GPT2: variants seen among roughly 807,000 people sequenced by gnomAD.
The protein encoded by GPT2 is alanine aminotransferase 2.
A neutral mutation model predicts 56.9 loss-of-function variants in GPT2; 30 were observed. The observed-to-expected ratio is 0.53, with a 90% CI of 0.39 to 0.72. GPT2 has a LOEUF of 0.72. GPT2 is among the 30% of genes least tolerant of loss of function. GPT2 has a pLI of 0.00. For synonymous variants in GPT2, 271 were observed against 283.1 expected, an observed-to-expected ratio of 0.96 and a Z score of 0.43; for missense variants, 542 against 703.4, an observed-to-expected ratio of 0.77 and a Z score of 2.60.
chr16:46,899,832 C>T (rs904182519), intron 3 of GPT2, among the ~76,000 whole-genome samples: 2 of 152,206 alleles, frequency 1.3e-5, no homozygotes, highest in Admixed American at 1.3e-4. Flanking sequence ...TTGCTGGAGA[C>T]GTGTTCCCAG....
At chr16:46,927,145 C>A in intron 11 of GPT2, 108 bp downstream of exon 11, 1 of 632,514 alleles carries the variant, frequency 1.6e-6, no homozygotes, top group South Asian at 2.4e-5. Context: ...TGCGGAGACC[C>A]TGTCCTCTCT....
intron 2 of GPT2, among the ~76,000 whole-genome samples, chr16:46,887,722 T>C (rs186639396): frequency 6.6e-6 from 1 of 152,286 alleles, no homozygotes; most frequent in Non-Finnish European, 1.5e-5. Context: ...TGGAATTCTT[T>C]CACCAGGTGT....
At chr16:46,891,999 A>C (rs1021701848) in intron 2 of GPT2, among the ~76,000 whole-genome samples, 1 of 151,844 alleles carries the variant, frequency 6.6e-6, no homozygotes, top group Admixed American at 6.6e-5. Context: ...TAGCTCCCAC[A>C]AATAAGTTAC....
Position 46,924,479 on chromosome 16 carries a change from T to C in GPT2, c.1303T>C (p.Leu435=). Residue 435 remains leucine (L), a synonymous_variant, in exon 10 of 12, where the codon TTG becomes CTG. Transcript: ENST00000340124. ...NQVPGIHCNP[L]QGAMYAFPRI... Reference sequence around the variant, plus strand: ...AGTCCCAGGAATTCACTGCAACCCCTTGCAGGGGGCCATGTACGCCTTCCC... The same window carrying C: ...AGTCCCAGGAATTCACTGCAACCCCCTGCAGGGGGCCATGTACGCCTTCCC... The C allele has an allele frequency of 6.2e-7, 1 of 1,614,214 alleles. No homozygotes were observed. The highest frequency in any genetic ancestry group is 1.3e-5 in the African/African-American group (1 of 75,058).
intron 3 of GPT2, among the ~76,000 whole-genome samples, chr16:46,899,613 T>C (rs956137834): frequency 2.0e-5 from 3 of 151,954 alleles, no homozygotes; most frequent in Non-Finnish European, 4.4e-5. Context: ...AGAGTCCCCA[T>C]GCTGGGCCCA....
rs1301058414 is a variant in GPT2 at position 46,897,753 on chromosome 16, G to A, written c.333+16G>A. 1 of 1,612,884 alleles carries A rather than the reference G, an allele frequency of 6.2e-7. No homozygotes were observed. Among genetic ancestry groups the A allele is most frequent in the Non-Finnish European group, 8.5e-7 (1 of 1,179,034 alleles). On this transcript the variant is annotated intron_variant, in intron 3 of 11. Coordinates refer to ENST00000340124, the MANE Select transcript of GPT2 (RefSeq NM_133443.4). ...CCTCCGGCAGGTGAGCCGCCCCCAG[G>A]AGCAGAGGCTGCAGGAGGGCAGGGC...
At chr16:46,889,643 C>A (rs368517693) in intron 2 of GPT2, among the ~76,000 whole-genome samples, 1 of 152,214 alleles carries the variant, frequency 6.6e-6, no homozygotes, top group Non-Finnish European at 1.5e-5. Context: ...ACCACACATA[C>A]GCTGGGCTCT....
chr16:46,891,434 G>C (rs1356679567), intron 2 of GPT2, among the ~76,000 whole-genome samples: 1 of 151,158 alleles, frequency 6.6e-6, no homozygotes, highest in African/African-American at 2.4e-5. Flanking sequence ...ATGGAGTTTC[G>C]CTCTTGTTGC....
At chr16:46,916,033 TAC>T (rs1359867100) in intron 6 of GPT2, 3 of 153,318 alleles carry the variant, frequency 2.0e-5, no homozygotes, top group East Asian at 1.9e-4. Context: ...ACACCACACC[TAC>T]ACACAAAGCC....
At chr16:46,906,721 G>A in intron 4 of GPT2, 121 bp from the exon 5 acceptor site, 1 of 1,327,916 alleles carries the variant, frequency 7.5e-7, no homozygotes, top group Non-Finnish European at 1.0e-6. Flanking sequence ...ATGGGAGTTG[G>A]GCCCCACCCC....
chr16:46,898,057 G>T (rs1350854868), intron 3 of GPT2, among the ~76,000 whole-genome samples: 1 of 152,230 alleles, frequency 6.6e-6, no homozygotes, highest in Non-Finnish European at 1.5e-5. Flanking sequence ...TGGCTGGGCT[G>T]GGAGGAGGCG....
At chr16:46,909,620 G>T (rs1961002238) in intron 5 of GPT2, 64 bp from the exon 6 acceptor site, 1 of 1,573,580 alleles carries the variant, frequency 6.4e-7, no homozygotes, top group African/African-American at 1.3e-5. Flanking sequence ...GGGGCCACGG[G>T]TGAAAGGCTA....
intron 2 of GPT2, among the ~76,000 whole-genome samples, chr16:46,895,279 C>CT (rs1290501254): frequency 1.3e-5 from 2 of 152,080 alleles, no homozygotes; most frequent in African/African-American, 2.4e-5. Flanking sequence ...AATCACAGCA[C>CT]TTTGGGAGGC....
In GPT2 at chr16:46,900,738, T is replaced by C; in HGVS notation, c.390T>C (p.Asp130=). 6.2e-7 allele frequency: 1 copy of C among 1,614,072 alleles called. No individual in the cohort carries two copies. The highest frequency in any genetic ancestry group is 1.7e-4 in the Middle Eastern group (1 of 6,058). ...TGGACAGCCCCAGCTTCCCAGAAGATGCTAAGAAACGTGCCCGGCGGATCC... is the reference window on the plus strand; with the variant it reads ...TGGACAGCCCCAGCTTCCCAGAAGACGCTAAGAAACGTGCCCGGCGGATCC... ...NLLDSPSFPE[D]AKKRARRILQ... The change falls in exon 4 of 12, where the codon GAT becomes GAC. Residue 130 remains aspartate, a synonymous_variant. Coordinates refer to ENST00000340124, the MANE Select transcript of GPT2 (RefSeq NM_133443.4).
intron 2 of GPT2, among the ~76,000 whole-genome samples, chr16:46,888,075 T>C (rs993154561): frequency 6.6e-6 from 1 of 152,194 alleles, no homozygotes; most frequent in African/African-American, 2.4e-5. Context: ...TTTCCCTTGC[T>C]TTATTGGGGG....
intron 7 of GPT2, among the ~76,000 whole-genome samples, chr16:46,917,450 A>G (rs930075819): frequency 3.3e-5 from 5 of 152,184 alleles, no homozygotes; most frequent in Non-Finnish European, 7.3e-5. Flanking sequence ...TAATTCGCTT[A>G]CATCTCAGGA....
At chr16:46,899,028 T>C (rs1350377598) in intron 3 of GPT2, among the ~76,000 whole-genome samples, 1 of 84,726 alleles carries the variant, frequency 1.2e-5, no homozygotes. Flanking sequence ...TATATATATA[T>C]ATATATATTT....
intron 3 of GPT2, among the ~76,000 whole-genome samples, chr16:46,898,924 A>G (rs530090369): frequency 4.2e-5 from 6 of 143,502 alleles, no homozygotes; most frequent in Non-Finnish European, 6.0e-5. Context: ...ACACACATAT[A>G]TATGTGTATA....
intron 5 of GPT2, among the ~76,000 whole-genome samples, chr16:46,908,665 A>G (rs990089547): frequency 2.6e-5 from 4 of 152,142 alleles, no homozygotes; most frequent in Admixed American, 2.6e-4. Context: ...AGTTCTTGTG[A>G]CATTTGGGAC....
Sources: gnomAD v4.1 joint callset for allele counts (sites outside exome capture counted in the v4.1 genomes callset) on GRCh38, gnomAD v4.1.1 for gene constraint, MANE v1.5 for transcripts, NCBI Gene and HGNC (gene_info 2026-07-23, HGNC 2026-07-21) for gene names.